ULK4: variants seen among roughly 807,000 people sequenced by gnomAD.
ULK4 encodes unc-51 like kinase 4.
ULK4 carries 133 observed loss-of-function variants against 160.6 expected under a neutral mutation model. That is an observed-to-expected ratio of 0.83 (90% CI 0.72 to 0.96). The LOEUF (loss-of-function observed/expected upper bound fraction) is 0.96. Among genes scored for constraint, ULK4 ranks in the 40% least tolerant of loss-of-function variants. The pLI is 0.00. For synonymous variants in ULK4, 534 were observed against 539.8 expected (o/e 0.99, Z 0.15); for missense variants, 1,580 against 1,499.5 (o/e 1.05, Z -0.89).
At chr3:41,938,320 T>A (rs1348970651) in intron 2 of ULK4, 123 bp from the exon 3 acceptor site, 2 of 689,418 alleles carry the variant, frequency 2.9e-6, no homozygotes, top group Admixed American at 5.7e-5. Context: ...TTGGTGGAAT[T>A]CTATACAGAC....
intron 32 of ULK4, among the ~76,000 whole-genome samples, chr3:41,565,683 A>C (rs1357439480): frequency 6.6e-6 from 1 of 152,156 alleles, no homozygotes; most frequent in Non-Finnish European, 1.5e-5. Context: ...GAACTGTACA[A>C]AATAGATTTC....
At chr3:41,401,724 C>T (rs964412068) in intron 34 of ULK4, among the ~76,000 whole-genome samples, 5 of 152,124 alleles carry the variant, frequency 3.3e-5, no homozygotes, top group African/African-American at 9.7e-5. Context: ...CTCAATACTT[C>T]CACCCCAATT....
At chr3:41,706,849 A>ATGTGTGTGTGTGTG (rs749756575) in intron 25 of ULK4, among the ~76,000 whole-genome samples, 89 of 102,362 alleles carry the variant, frequency 8.7e-4, no homozygotes, top group African/African-American at 4.2e-3. Flanking sequence ...AAAAAAAAAT[A>ATGTGTGTGTGTGTG]TGTGTGTGTG....
At chr3:41,286,239 T>C (rs1259352691) in intron 35 of ULK4, among the ~76,000 whole-genome samples, 1 of 152,172 alleles carries the variant, frequency 6.6e-6, no homozygotes, top group Admixed American at 6.5e-5. Context: ...ATTACCTTCT[T>C]GAATCTTTGT....
chr3:41,797,893 GA>G (rs1255707530), intron 20 of ULK4, among the ~76,000 whole-genome samples: 8 of 145,758 alleles, frequency 5.5e-5, no homozygotes, highest in African/African-American at 1.8e-4. Context: ...GGAAAGAAAA[GA>G]AAACAAAAGA....
intron 31 of ULK4, among the ~76,000 whole-genome samples, chr3:41,600,341 A>C (rs922230059): frequency 2.0e-5 from 3 of 152,328 alleles, no homozygotes; most frequent in Admixed American, 6.5e-5. Context: ...TAATCAACTA[A>C]TGACACAAAA....
intron 25 of ULK4, among the ~76,000 whole-genome samples, chr3:41,706,782 C>G (rs1460234335): frequency 7.0e-6 from 1 of 143,524 alleles, no homozygotes; most frequent in Non-Finnish European, 1.5e-5. Flanking sequence ...GAGCCAAGAT[C>G]ATGCCACTGC....
intron 29 of ULK4, among the ~76,000 whole-genome samples, chr3:41,679,663 CTTT>C (rs1296173127): frequency 6.6e-6 from 1 of 152,140 alleles, no homozygotes; most frequent in African/African-American, 2.4e-5. Flanking sequence ...TGAGTTAACA[CTTT>C]TTATTTCACA....
chr3:41,794,936 G>A (rs929007909), intron 20 of ULK4, among the ~76,000 whole-genome samples: 1 of 152,156 alleles, frequency 6.6e-6, no homozygotes, highest in Middle Eastern at 3.2e-3. Flanking sequence ...GGTAAGTTTG[G>A]AGACAGAGTG....
At chr3:41,402,193 GT>G (rs1165426090) in intron 34 of ULK4, among the ~76,000 whole-genome samples, 1 of 152,086 alleles carries the variant, frequency 6.6e-6, no homozygotes, top group Non-Finnish European at 1.5e-5. Flanking sequence ...GATGAATTTT[GT>G]TTATTGATCT....
chr3:41,731,599 T>A (rs946056416), intron 22 of ULK4, among the ~76,000 whole-genome samples: 9 of 149,488 alleles, frequency 6.0e-5, no homozygotes, highest in African/African-American at 2.2e-4. Flanking sequence ...AAATTACCAA[T>A]GACATTCTTC....
rs577003741 is a variant in ULK4, at chr3:41,645,076, TTCTC to T, written c.3071+18527_3071+18530del. ...ATTTTTTATTGCATCTATTTGATTC[TTCTC>T]TCTTTTTTTCTTTATTAGTCTTGCC... On this transcript the variant is annotated intron_variant, in intron 30 of 36. Transcript: ENST00000301831. 9.3e-3 allele frequency among the ~76,000 whole-genome samples: 1,408 copies of T among 151,954 alleles called. 18 individuals carry two copies. The highest frequency in any genetic ancestry group is 0.031 in the African/African-American group (1,292 of 41,352).
intron 19 of ULK4, among the ~76,000 whole-genome samples, chr3:41,805,163 C>G (rs2040601857): frequency 6.6e-6 from 1 of 152,176 alleles, no homozygotes; most frequent in African/African-American, 2.4e-5. Context: ...TTTCATTGAG[C>G]ATTGGTTTCT....
At chr3:41,935,171 C>T (rs1191327103) in intron 4 of ULK4, among the ~76,000 whole-genome samples, 1 of 150,034 alleles carries the variant, frequency 6.7e-6, no homozygotes, top group African/African-American at 2.5e-5. Context: ...CGCTCACCAC[C>T]ATGCCCAGCT....
intron 32 of ULK4, among the ~76,000 whole-genome samples, chr3:41,536,533 C>T (rs991857652): frequency 6.6e-6 from 1 of 152,148 alleles, no homozygotes; most frequent in Non-Finnish European, 1.5e-5. Context: ...GGGAATCTTA[C>T]TGATAACGTA....
At chr3:41,695,358 C>T (rs1037018617) in intron 27 of ULK4, among the ~76,000 whole-genome samples, 5 of 152,162 alleles carry the variant, frequency 3.3e-5, no homozygotes, top group Admixed American at 2.6e-4. Flanking sequence ...GAGCACACTT[C>T]GTGCCCCATC....
chr3:41,819,429 C>T lies in ULK4; in HGVS notation c.1842G>A (p.Arg614=), dbSNP rs1293364463. 6.2e-7 allele frequency: 1 copy of T among 1,613,768 alleles called. No homozygotes were observed. Among genetic ancestry groups the T allele is most frequent in the Non-Finnish European group, 8.5e-7 (1 of 1,179,850 alleles). ...AAYTVLMRCL[R]EGEERVVNHM... ...GACAACAAAGGAGCCTTACCCCTTC[C>T]CGAAGGCACCTCATTAGCACTGTGT... Residue 614 remains arginine, a synonymous_variant, in exon 19 of 37, where the codon CGG becomes CGA. Transcript: ENST00000301831.
chr3:41,783,690 C>T (rs2125585893), intron 21 of ULK4, among the ~76,000 whole-genome samples: 2 of 152,270 alleles, frequency 1.3e-5, no homozygotes, highest in Middle Eastern at 3.4e-3. Flanking sequence ...CTCTATACTA[C>T]TCATATGAAT....
intron 5 of ULK4, among the ~76,000 whole-genome samples, chr3:41,924,301 G>A (rs1575958736): frequency 6.6e-6 from 1 of 152,124 alleles, no homozygotes; most frequent in South Asian, 2.1e-4. Flanking sequence ...AAACAGAAGT[G>A]GTTTTACACT....
Sources: allele counts gnomAD v4.1 joint callset (sites outside exome capture counted in the v4.1 genomes callset), GRCh38; gene constraint gnomAD v4.1.1; transcripts MANE v1.5; gene names NCBI Gene and HGNC (gene_info 2026-07-23, HGNC 2026-07-21).